Variants in THOC7 observed in about 807,000 individuals in gnomAD.
The protein encoded by THOC7 is NIF3L1-binding protein 1.
THOC7 carries 22 observed loss-of-function variants against 33.1 expected under a neutral mutation model. The ratio of observed to expected loss-of-function variants is 0.66; its 90% CI spans 0.47 to 0.95. The LOEUF is 0.95. THOC7 is among the 40% of genes least tolerant of loss of function. The probability of loss-of-function intolerance (pLI) is 0.00; values close to 1 mark genes in which losing one functional copy is unlikely to be tolerated. For synonymous variants in THOC7, 77 were observed against 76.8 expected (o/e 1.00, Z -0.01); for missense variants, 184 against 245.3 (o/e 0.75, Z 1.67).
In THOC7 at chr3:63,863,736, T is replaced by C. The variant is rs1033924362; in HGVS notation, c.19+36A>G. ...GTCTCAGGGGAGGCCCAGCGGGCCG[T>C]GCAGCGGGCGCGTGTGGCGGCGAGC... On this transcript the variant is annotated intron_variant, in intron 1 of 7. Transcript: ENST00000295899. 3.2e-6 allele frequency: 4 copies of C among 1,248,982 alleles called. No homozygotes were observed. In the African/African-American group the frequency reaches 6.2e-5, roughly 19 times the overall value. 77.4% of individuals were successfully genotyped at this position (1,248,982 alleles called of 1,614,324 possible). A position where few individuals can be genotyped will look rare whatever the true frequency, so the allele number is the denominator to read the frequency against.
At chr3:63,839,857 T>C in intron 1 of THOC7, 84 bp from the exon 2 acceptor site, 2 of 1,124,180 alleles carry the variant, frequency 1.8e-6, no homozygotes, top group Middle Eastern at 2.6e-4. Context: ...CATTTGTTTA[T>C]TCAAAAGAAA....
intron 1 of THOC7, among the ~76,000 whole-genome samples, chr3:63,850,965 C>T (rs1190826247): frequency 1.3e-5 from 2 of 152,150 alleles, no homozygotes; most frequent in African/African-American, 4.8e-5. Flanking sequence ...ACTGATATTT[C>T]TTGTTGCACA....
chr3:63,855,737 A>C (rs1271860596), intron 1 of THOC7, among the ~76,000 whole-genome samples: 1 of 152,234 alleles, frequency 6.6e-6, no homozygotes, highest in Non-Finnish European at 1.5e-5. Context: ...GCTAAATTGC[A>C]GGTCAAATGT....
Position 63,839,744 on chromosome 3 carries a change from C to T in THOC7, c.49G>A (p.Asp17Asn). Reference protein sequence around the residue: ...DEVIRKRLLIDGDGAGDDRRI... With the variant: ...DEVIRKRLLINGDGAGDDRRI... ...CGATCATCTCCAGCACCATCTCCAT[C>T]AATGAGGAGACGCTTCCGTATAACT... Residue 17 changes from aspartate (D) to asparagine (N), a missense_variant, in exon 2 of 8, where the codon GAT (aspartate) becomes AAT (asparagine). Transcript: ENST00000295899. 6.2e-7 allele frequency: 1 copy of T among 1,613,384 alleles called. No homozygotes were observed. Among genetic ancestry groups the T allele is most frequent in the South Asian group, 1.1e-5 (1 of 91,048 alleles).
chr3:63,846,023 GAC>G (rs1338565119), intron 1 of THOC7: 1 of 207,822 alleles, frequency 4.8e-6, no homozygotes, highest in Non-Finnish European at 1.0e-5. Flanking sequence ...GCCTCAAAGA[GAC>G]AGTCCTCTAA....
intron 1 of THOC7, among the ~76,000 whole-genome samples, chr3:63,841,756 A>T (rs780215760): frequency 6.6e-6 from 1 of 152,242 alleles, no homozygotes; most frequent in Non-Finnish European, 1.5e-5. Context: ...CAAATAAAAC[A>T]TAGTCCTTGA....
At chr3:63,837,825 A>C (rs1701665148) in intron 4 of THOC7, 151 bp downstream of exon 4, 2 of 524,356 alleles carry the variant, frequency 3.8e-6, no homozygotes, top group Non-Finnish European at 6.5e-6. Flanking sequence ...CTCTATTTTA[A>C]AGAATAATAT....
chr3:63,846,280 C>T (rs1180689575), intron 1 of THOC7: 1 of 428,414 alleles, frequency 2.3e-6, no homozygotes, highest in Admixed American at 2.6e-5. Flanking sequence ...GGAGATAATC[C>T]CCAAGCGACT....
chr3:63,863,834 G>A (rs1702311022), upstream of THOC7: 4 of 1,221,338 alleles, frequency 3.3e-6, no homozygotes, highest in Admixed American at 8.9e-5. Context: ...GCAAGCTGAG[G>A]CGGCGGTTGG....
chr3:63,847,672 G>A (rs894259135), intron 1 of THOC7, among the ~76,000 whole-genome samples: 1 of 152,022 alleles, frequency 6.6e-6, no homozygotes, highest in Non-Finnish European at 1.5e-5. Flanking sequence ...AGGAGGCAGA[G>A]GTTGCAGTGA....
chr3:63,857,867 T>TA (rs1438457668), intron 1 of THOC7, among the ~76,000 whole-genome samples: 10 of 152,350 alleles, frequency 6.6e-5, no homozygotes, highest in African/African-American at 2.4e-4. Context: ...ATAGTGCTAA[T>TA]AAAGTCAAGG....
Position 63,858,964 on chromosome 3 carries a change from G to A in THOC7, c.19+4808C>T, listed in dbSNP as rs150642978. Reference sequence around the variant, plus strand: ...AAGAGCTCCCAGTCCAACTGGATACGCAGACCCAGAGGAATGGATTACATG... The same window carrying A: ...AAGAGCTCCCAGTCCAACTGGATACACAGACCCAGAGGAATGGATTACATG... On this transcript the variant is annotated intron_variant, in intron 1 of 7. Transcript: ENST00000295899. Among the ~76,000 whole-genome samples, 228 of 152,296 alleles carry A rather than the reference G, an allele frequency of 1.5e-3. 2 individuals carry two copies. Among genetic ancestry groups the A allele is most frequent in the Non-Finnish European group, 7.3e-4 (50 of 68,034 alleles).
At chr3:63,848,882 A>C (rs1455969631) in intron 1 of THOC7, among the ~76,000 whole-genome samples, 1 of 152,200 alleles carries the variant, frequency 6.6e-6, no homozygotes, top group Non-Finnish European at 1.5e-5. Context: ...GCATACTTTT[A>C]TGAATAAAAA....
chr3:63,839,250 G>A (rs1057062675), intron 2 of THOC7, among the ~76,000 whole-genome samples: 40 of 152,214 alleles, frequency 2.6e-4, no homozygotes, highest in Middle Eastern at 3.4e-3. Context: ...AAAAGTAATC[G>A]TGGTTTCTGC....
At chr3:63,839,204 T>C (rs1701702765) in intron 2 of THOC7, among the ~76,000 whole-genome samples, 1 of 152,062 alleles carries the variant, frequency 6.6e-6, no homozygotes, top group Non-Finnish European at 1.5e-5. Flanking sequence ...AAAAAAAGAT[T>C]AGATATACGT....
chr3:63,853,076 A>G (rs1027465592), intron 1 of THOC7, among the ~76,000 whole-genome samples: 2 of 150,788 alleles, frequency 1.3e-5, no homozygotes, highest in African/African-American at 2.4e-5. Context: ...GCTTGAATCC[A>G]GGAGGTGGAG....
chr3:63,837,906 C>G, intron 4 of THOC7, 70 bp downstream of exon 4: 1 of 1,397,220 alleles, frequency 7.2e-7, no homozygotes, highest in Non-Finnish European at 9.8e-7. Context: ...TACCTCACAA[C>G]ATTAAAAACT....
Position 63,836,369 on chromosome 3 carries a change from T to C in THOC7, c.353-11A>G. On this transcript the variant is annotated splice_polypyrimidine_tract_variant and intron_variant, in intron 4 of 7. Transcript: ENST00000295899. ...CCAAAGCATCATATTCTGTAAGACA[T>C]AAAAATATTTATCAAACTAAGGATT... 1 of 1,611,018 alleles carries C rather than the reference T, an allele frequency of 6.2e-7. No individual in the cohort carries two copies. The highest frequency in any genetic ancestry group is 8.5e-7 in the Non-Finnish European group (1 of 1,178,332).
At chr3:63,864,431 G>C (rs1702340167), upstream of THOC7, 1 of 152,136 alleles carries the variant, frequency 6.6e-6, no homozygotes, top group Non-Finnish European at 1.5e-5. Context: ...ACGCGCGCTG[G>C]GGCGGGTCTC....
Sources: gnomAD v4.1 joint callset for allele counts (sites outside exome capture counted in the v4.1 genomes callset) on GRCh38, gnomAD v4.1.1 for gene constraint, MANE v1.5 for transcripts, NCBI Gene and HGNC (gene_info 2026-07-23, HGNC 2026-07-21) for gene names.